PRSS2: variants seen among roughly 807,000 people sequenced by gnomAD.
The protein encoded by PRSS2 is serine protease 2.
A neutral mutation model predicts 19.2 loss-of-function variants in PRSS2; 19 were observed. The ratio of observed to expected loss-of-function variants is 0.99; its 90% CI spans 0.69 to 1.45. The LOEUF (loss-of-function observed/expected upper bound fraction) is 1.45. Ranked by LOEUF, PRSS2 falls within the 40% of genes most tolerant of loss-of-function variation. The pLI is 0.00. For missense variants in PRSS2, 288 were observed against 294.4 expected (o/e 0.98, Z 0.16); for synonymous variants, 107 against 117.5 (o/e 0.91, Z 0.58).
At chr7:142,771,404 A>C (rs1290289564) in intron 1 of PRSS2, among the ~76,000 whole-genome samples, 2 of 152,010 alleles carry the variant, frequency 1.3e-5, no homozygotes, top group Non-Finnish European at 2.9e-5. Flanking sequence ...AAGACACTCA[A>C]CTCTAGAAAT....
At position 142,773,311 on chromosome 7, in the gene PRSS2, G is replaced by C; in HGVS notation, c.246G>C (p.Glu82Asp). 6.2e-7 allele frequency: 1 copy of C among 1,614,252 alleles called. No individual in the cohort carries two copies. Among genetic ancestry groups the C allele is most frequent in the Non-Finnish European group, 8.5e-7 (1 of 1,180,044 alleles). The change falls in exon 3 of 5, where the codon GAG becomes GAC. Residue 82 changes from glutamate (E) to aspartate (D), a missense_variant. Physicochemically the swap from Glu to Asp is conservative, Grantham distance 45. Transcript: ENST00000539842. ...RLGEHNIEVL[E>D]GNEQFINAAK... is the part of the protein sequence containing the mutation. Reference sequence around the variant, plus strand: ...GAGAGCACAACATCGAAGTCCTGGAGGGGAATGAACAGTTCATCAATGCGG... The same window carrying C: ...GAGAGCACAACATCGAAGTCCTGGACGGGAATGAACAGTTCATCAATGCGG...
chr7:142,774,149 G>T, intron 4 of PRSS2, 94 bp downstream of exon 4: 1 of 1,405,990 alleles, frequency 7.1e-7, no homozygotes, highest in Admixed American at 1.7e-5. Flanking sequence ...GGGCTGAGGA[G>T]GCTCCCTGCA....
intron 4 of PRSS2, 105 bp from the exon 5 acceptor site, chr7:142,774,251 A>G: frequency 9.4e-7 from 1 of 1,064,424 alleles, no homozygotes; most frequent in Admixed American, 1.7e-5. Flanking sequence ...AAGGACGTGG[A>G]GCCACAGAGC....
Position 142,773,352 on chromosome 7 carries a change from A to C in PRSS2, c.287A>C (p.His96Pro), listed in dbSNP as rs1800123441. 1 of 1,614,140 alleles carries C rather than the reference A, an allele frequency of 6.2e-7. No individual in the cohort carries two copies. Among genetic ancestry groups the C allele is most frequent in the African/African-American group, 1.3e-5 (1 of 75,070 alleles). Reference sequence around the variant, plus strand: ...ATCAATGCGGCCAAGATCATCCGCCACCCCAAATACAACAGCCGGACTCTG... The same window carrying C: ...ATCAATGCGGCCAAGATCATCCGCCCCCCCAAATACAACAGCCGGACTCTG... Reference protein sequence around the residue: ...QFINAAKIIRHPKYNSRTLDN... With the variant: ...QFINAAKIIRPPKYNSRTLDN... The change falls in exon 3 of 5, where the codon CAC becomes CCC. Residue 96 changes from histidine to proline, a missense_variant. By Grantham distance (77) the His-to-Pro change is moderately conservative. Coordinates refer to ENST00000539842, the MANE Select transcript of PRSS2 (RefSeq NM_002770.4).
In PRSS2 at chr7:142,772,228, C is replaced by T. The variant is rs774931402; in HGVS notation, c.200+20C>T. On this transcript the variant is annotated intron_variant, in intron 2 of 4. Transcript: ENST00000539842. ...CAAGTCGTAAGTGTGGGGCCCCTGA[C>T]TGCAAAACTCCCAGCCAGGCTGCCT... The T allele has an allele frequency of 6.2e-7, 1 of 1,613,056 alleles. No individual in the cohort carries two copies. The highest frequency in any genetic ancestry group is 8.5e-7 in the Non-Finnish European group (1 of 1,179,166).
intron 1 of PRSS2, among the ~76,000 whole-genome samples, chr7:142,771,511 T>C (rs1459266514): frequency 1.3e-5 from 2 of 152,246 alleles, no homozygotes; most frequent in African/African-American, 4.8e-5. Context: ...AGGTTAAGAA[T>C]TGCTGTTGTT....
Position 142,774,398 on chromosome 7 carries a change from G to A in PRSS2, c.634G>A (p.Gly212Arg). The change falls in exon 5 of 5, where the codon GGA (glycine) becomes AGA (arginine). Residue 212 changes from glycine to arginine, a missense_variant. Coordinates refer to ENST00000539842, the MANE Select transcript of PRSS2 (RefSeq NM_002770.4). The stretch of plus-strand genomic sequence containing the variant: ...TGTGGTCTCCAATGGAGAGCTCCAA[G>A]GAATTGTCTCCTGGGGCTATGGCTG... ...GPVVSNGELQ[G>R]IVSWGYGCAQ... 6.4e-7 allele frequency: 1 copy of A among 1,556,386 alleles called. No homozygotes were observed. Among genetic ancestry groups the A allele is most frequent in the East Asian group, 2.2e-5 (1 of 44,472 alleles).
intron 2 of PRSS2, among the ~76,000 whole-genome samples, chr7:142,772,920 T>TGTTGCTAATGTTG (rs1800068220): frequency 1.3e-5 from 2 of 152,178 alleles, no homozygotes; most frequent in Non-Finnish European, 2.9e-5. Flanking sequence ...AGCAAAGGCC[T>TGTTGCTAATGTTG]GGAGTGAAGA....
intron 3 of PRSS2, 96 bp from the exon 4 acceptor site, chr7:142,773,823 G>T: frequency 1.3e-6 from 2 of 1,500,696 alleles, no homozygotes; most frequent in East Asian, 2.3e-5. Context: ...TCCTCTCCAG[G>T]GGCAGTGTTC....
In PRSS2 at chr7:142,774,391, G is replaced by A. The variant is rs766500759; in HGVS notation, c.627G>A (p.Glu209=). ...DSGGPVVSNG[E]LQGIVSWGYG... is the part of the protein sequence containing the mutation. ...GTGGCCCTGTGGTCTCCAATGGAGA[G>A]CTCCAAGGAATTGTCTCCTGGGGCT... is the stretch of plus-strand genomic sequence containing the variant. Residue 209 remains glutamate, a synonymous_variant, in exon 5 of 5, where the codon GAG becomes GAA. Transcript: ENST00000539842. 6.6e-7 allele frequency: 1 copy of A among 1,521,388 alleles called. No individual in the cohort carries two copies. Among genetic ancestry groups the A allele is most frequent in the South Asian group, 1.1e-5 (1 of 88,650 alleles). 94.2% of individuals were successfully genotyped at this position (1,521,388 alleles called of 1,614,324 possible). A position where few individuals can be genotyped will look rare whatever the true frequency, so the allele number is the denominator to read the frequency against.
intron 3 of PRSS2, among the ~76,000 whole-genome samples, 170 bp from the exon 4 acceptor site, chr7:142,773,749 G>T (rs1157488905): frequency 3.3e-5 from 5 of 152,266 alleles, no homozygotes; most frequent in Non-Finnish European, 7.3e-5. Context: ...CGTGGGAGAG[G>T]TTCAACAATG....
chr7:142,771,912 G>A (rs1799938478), intron 1 of PRSS2, 137 bp from the exon 2 acceptor site: 2 of 1,328,842 alleles, frequency 1.5e-6, no homozygotes, highest in Admixed American at 1.7e-5. Flanking sequence ...GATCACCAGG[G>A]CTGGCAGCGC....
intron 2 of PRSS2, chr7:142,772,492 T>G: frequency 1.5e-6 from 1 of 688,904 alleles, no homozygotes; most frequent in Non-Finnish European, 2.6e-6. Flanking sequence ...GTACTTTTGC[T>G]GGTTAGCTAC....
At chr7:142,772,515 C>G in intron 2 of PRSS2, 1 of 692,712 alleles carries the variant, frequency 1.4e-6, no homozygotes, top group Non-Finnish European at 2.6e-6. Context: ...ATTAAAGCCA[C>G]CTAAGAATGA....
At chr7:142,773,558 C>A in intron 3 of PRSS2, 39 bp downstream of exon 3, 2 of 1,385,984 alleles carry the variant, frequency 1.4e-6, no homozygotes, top group African/African-American at 3.0e-5. Context: ...CCCTCCATCC[C>A]ACAATTTCCA....
chr7:142,771,826 G>A (rs1799927315), intron 1 of PRSS2, among the ~76,000 whole-genome samples: 1 of 152,258 alleles, frequency 6.6e-6, no homozygotes, highest in Non-Finnish European at 1.5e-5. Context: ...GTGACCCCAG[G>A]AGAGATCTGA....
chr7:142,771,860 G>C (rs939251904), intron 1 of PRSS2, among the ~76,000 whole-genome samples, 189 bp from the exon 2 acceptor site: 3,574 of 151,504 alleles, frequency 0.024, 1 homozygote, highest in African/African-American at 0.082. Context: ...ACCTAGCTAC[G>C]TGCCCTGCAG....
intron 2 of PRSS2, 108 bp downstream of exon 2, chr7:142,772,316 T>C (rs1799993931): frequency 1.4e-5 from 18 of 1,286,494 alleles, no homozygotes; most frequent in Middle Eastern, 1.9e-4. Context: ...AGAGAGATGG[T>C]GGAAAAGAAA....
intron 2 of PRSS2, among the ~76,000 whole-genome samples, chr7:142,772,883 A>T (rs1191651045): frequency 1.3e-5 from 2 of 152,220 alleles, no homozygotes; most frequent in Non-Finnish European, 2.9e-5. Context: ...CCAAGAATGG[A>T]GGGAGGAGCA....
Sources: gnomAD v4.1 joint callset for allele counts (sites outside exome capture counted in the v4.1 genomes callset) on GRCh38, gnomAD v4.1.1 for gene constraint, MANE v1.5 for transcripts, NCBI Gene and HGNC (gene_info 2026-07-23, HGNC 2026-07-21) for gene names.